EVI5: variants seen among roughly 807,000 people sequenced by gnomAD.
EVI5 encodes ecotropic viral integration site 5 protein homolog.
Under a neutral mutation model 112.0 loss-of-function variants are expected in EVI5, and 73 were observed. The observed-to-expected ratio is 0.65, with a 90% CI of 0.54 to 0.79. The LOEUF (loss-of-function observed/expected upper bound fraction) is 0.79, where lower values mean the gene tolerates loss of function less well. Ranked by LOEUF, EVI5 falls within the 30% of genes least tolerant of loss-of-function variation. The probability of loss-of-function intolerance (pLI) is 0.00; values close to 1 mark genes in which losing one functional copy is unlikely to be tolerated. For missense variants in EVI5, 900 were observed against 968.8 expected, an observed-to-expected ratio of 0.93 and a Z score of 0.94; for synonymous variants, 305 against 319.9, an observed-to-expected ratio of 0.95 and a Z score of 0.50.
chr1:92,726,497 G>C (rs1375280016), intron 2 of EVI5, among the ~76,000 whole-genome samples: 1 of 152,072 alleles, frequency 6.6e-6, no homozygotes, highest in Non-Finnish European at 1.5e-5. Context: ...CCAAAATGAT[G>C]ACCTTCTCAA....
At chr1:92,523,901 C>T (rs1661391637) in intron 19 of EVI5, among the ~76,000 whole-genome samples, 1 of 151,970 alleles carries the variant, frequency 6.6e-6, no homozygotes, top group South Asian at 2.1e-4. Flanking sequence ...GCCTGGCCAA[C>T]ATGGTGAAAC....
At chr1:92,521,908 A>G (rs1272472052) in intron 19 of EVI5, among the ~76,000 whole-genome samples, 1 of 152,190 alleles carries the variant, frequency 6.6e-6, no homozygotes, top group Non-Finnish European at 1.5e-5. Flanking sequence ...CTTAGAAAAT[A>G]AAGCAATTCT....
intron 14 of EVI5, among the ~76,000 whole-genome samples, chr1:92,630,049 T>G (rs1312532846): frequency 2.0e-5 from 3 of 152,194 alleles, no homozygotes; most frequent in Non-Finnish European, 4.4e-5. Context: ...TGCCACATTT[T>G]CTTAATCCAG....
chr1:92,765,211 C>T (rs1682433831), intron 1 of EVI5, among the ~76,000 whole-genome samples: 2 of 128,112 alleles, frequency 1.6e-5, no homozygotes, highest in South Asian at 2.8e-4. Context: ...ATTTTTTTTC[C>T]TTCCTTTTTT....
chr1:92,569,306 T>C (rs547794592), intron 18 of EVI5, among the ~76,000 whole-genome samples: 7 of 152,354 alleles, frequency 4.6e-5, no homozygotes, highest in African/African-American at 1.4e-4. Flanking sequence ...ATTAAGCAGA[T>C]AGAGATTTAT....
At chr1:92,670,580 A>T (rs995897997) in intron 10 of EVI5, among the ~76,000 whole-genome samples, 1 of 152,228 alleles carries the variant, frequency 6.6e-6, no homozygotes, top group African/African-American at 2.4e-5. Flanking sequence ...CTATGCCAGT[A>T]AATATGACTG....
At chr1:92,772,999 G>C (rs1019012078) in intron 1 of EVI5, among the ~76,000 whole-genome samples, 2 of 150,562 alleles carry the variant, frequency 1.3e-5, no homozygotes, top group Non-Finnish European at 2.9e-5. Context: ...CCTGAGGTCA[G>C]GAGTTCAAGA....
At chr1:92,641,852 G>A (rs891495396) in intron 13 of EVI5, among the ~76,000 whole-genome samples, 1 of 152,092 alleles carries the variant, frequency 6.6e-6, no homozygotes, top group African/African-American at 2.4e-5. Context: ...AAAATAGGCC[G>A]GGAGCGGTGG....
chr1:92,633,143 T>C (rs1657588900), intron 14 of EVI5, among the ~76,000 whole-genome samples: 1 of 152,212 alleles, frequency 6.6e-6, no homozygotes, highest in African/African-American at 2.4e-5. Flanking sequence ...AAAGAATGTA[T>C]ATTCTGTTGA....
At chr1:92,593,177 T>C (rs185872708) in intron 18 of EVI5, among the ~76,000 whole-genome samples, 342 of 152,324 alleles carry the variant, frequency 2.2e-3, no homozygotes, top group Non-Finnish European at 3.8e-3. Context: ...CTCAATATAA[T>C]ACTGGCAAAC....
chr1:92,539,542 CAA>C (rs1209654037), intron 19 of EVI5, among the ~76,000 whole-genome samples: 2 of 16,822 alleles, frequency 1.2e-4, no homozygotes, highest in Non-Finnish European at 1.0e-4. Context: ...GACTCCATCT[CAA>C]AAAAAAAAAA....
At chr1:92,603,379 C>T (rs1285627848) in intron 18 of EVI5, among the ~76,000 whole-genome samples, 1 of 152,094 alleles carries the variant, frequency 6.6e-6, no homozygotes, top group African/African-American at 2.4e-5. Context: ...GGGACCTGAA[C>T]AGAAATTTGT....
intron 13 of EVI5, among the ~76,000 whole-genome samples, chr1:92,650,241 A>G (rs1232601865): frequency 1.3e-5 from 2 of 152,222 alleles, no homozygotes; most frequent in African/African-American, 4.8e-5. Context: ...TAGGTTTGAT[A>G]GGATTGAATC....
chr1:92,640,389 G>A (rs1218167808), intron 13 of EVI5, among the ~76,000 whole-genome samples: 2 of 152,018 alleles, frequency 1.3e-5, no homozygotes, highest in Non-Finnish European at 2.9e-5. Context: ...CAGAATCTAT[G>A]GGGAACCTAA....
chr1:92,599,321 T>C (rs544500999), intron 18 of EVI5, among the ~76,000 whole-genome samples: 27 of 152,106 alleles, frequency 1.8e-4, no homozygotes, highest in African/African-American at 6.5e-4. Context: ...TACCAGTAAT[T>C]GGAAGAGTTA....
intron 13 of EVI5, among the ~76,000 whole-genome samples, chr1:92,656,485 C>G (rs569239107): frequency 1.1e-4 from 16 of 151,562 alleles, no homozygotes; most frequent in African/African-American, 3.4e-4. Context: ...ACCTCAAGAA[C>G]TAGAAAAACA....
intron 13 of EVI5, among the ~76,000 whole-genome samples, chr1:92,652,026 T>G (rs1296360889): frequency 6.6e-6 from 1 of 152,168 alleles, no homozygotes; most frequent in Non-Finnish European, 1.5e-5. Flanking sequence ...GAGCAGGAAC[T>G]TAAACAGATA....
At chr1:92,677,252 GT>G in intron 9 of EVI5, 34 bp from the exon 10 acceptor site, 2 of 1,215,608 alleles carry the variant, frequency 1.6e-6, no homozygotes, top group Non-Finnish European at 2.3e-6. Flanking sequence ...TAAAGGTAAT[GT>G]TTTCATTCAA....
intron 2 of EVI5, among the ~76,000 whole-genome samples, chr1:92,706,379 A>T (rs1236020562): frequency 6.6e-6 from 1 of 152,194 alleles, no homozygotes; most frequent in African/African-American, 2.4e-5. Flanking sequence ...TCTAAACCCT[A>T]AGAATTGTAA....
Sources: allele counts gnomAD v4.1 joint callset (sites outside exome capture counted in the v4.1 genomes callset), GRCh38; gene constraint gnomAD v4.1.1; transcripts MANE v1.5; gene names NCBI Gene and HGNC (gene_info 2026-07-23, HGNC 2026-07-21).